The following ISG20 variants were observed in gnomAD, a reference collection of about 807,000 sequenced individuals.
ISG20 encodes interferon stimulated exonuclease gene 20, also known as interferon-stimulated gene 20 kDa protein.
In ISG20, 8 loss-of-function variants were observed where a neutral mutation model predicts 11.1. The observed-to-expected ratio is 0.72, with a 90% confidence interval of 0.42 to 1.30. The LOEUF is 1.30. Ranked by LOEUF, ISG20 falls within the 50% of genes most tolerant of loss-of-function variation. The probability of loss-of-function intolerance (pLI) is 0.01; values close to 1 mark genes in which losing one functional copy is unlikely to be tolerated. For missense variants in ISG20, 243 were observed against 250.2 expected (o/e 0.97, Z 0.19); for synonymous variants, 110 against 101.7 (o/e 1.08, Z -0.49).
upstream of ISG20, among the ~76,000 whole-genome samples, chr15:88,637,589 C>T (rs2058005166): frequency 1.3e-5 from 2 of 151,992 alleles, no homozygotes; most frequent in Non-Finnish European, 2.9e-5. Flanking sequence ...AGAGGCAGCT[C>T]AGGTGAGACA....
At chr15:88,642,052 G>A (rs1428850944) in intron 2 of ISG20, among the ~76,000 whole-genome samples, 1 of 148,296 alleles carries the variant, frequency 6.7e-6, no homozygotes, top group Non-Finnish European at 1.5e-5. Context: ...TCCCGCCTCA[G>A]CCTCCCAAGT....
chr15:88,652,033 A>G (rs7180509), intron 2 of ISG20, 77 bp from the exon 3 acceptor site: 61,877 of 1,596,808 alleles, frequency 0.039, 3,308 homozygotes, highest in African/African-American at 0.25. Flanking sequence ...TCAAGGAGGG[A>G]TTGCTCCCTT....
At chr15:88,640,651 T>C (rs2058064732) in intron 2 of ISG20, among the ~76,000 whole-genome samples, 1 of 152,102 alleles carries the variant, frequency 6.6e-6, no homozygotes, top group African/African-American at 2.4e-5. Context: ...ATAGAGTGCC[T>C]AAATAGGTAC....
intron 2 of ISG20, among the ~76,000 whole-genome samples, chr15:88,642,103 ATT>A (rs2058092178): frequency 1.3e-5 from 2 of 151,442 alleles, no homozygotes; most frequent in Non-Finnish European, 2.9e-5. Context: ...CTAATTTTTT[ATT>A]TTTAGTAGAG....
At chr15:88,641,172 T>C (rs570334290) in intron 2 of ISG20, among the ~76,000 whole-genome samples, 1 of 152,044 alleles carries the variant, frequency 6.6e-6, no homozygotes, top group East Asian at 1.9e-4. Context: ...TTTTTTGCAT[T>C]TTTGGTAGAG....
Position 88,650,303 on chromosome 15 carries a change from G to A in ISG20, c.229-1807G>A, listed in dbSNP as rs936046631. On this transcript the variant is annotated intron_variant, in intron 2 of 3. Coordinates refer to ENST00000306072, the MANE Select transcript of ISG20 (RefSeq NM_002201.6). The surrounding 1 kb of genome is among the most constrained non-coding windows in gnomAD (Gnocchi z 4.0). ...CTGACTGGCCTGTGTGACCAGAGCA[G>A]GGCAGGCTGTCCATGTGGGAGGCGA... 59 of 1,535,564 alleles carry A rather than the reference G, an allele frequency of 3.8e-5. 1 individual carries two copies. The African/African-American group carries it at 7.5e-4, about 20-fold the overall frequency.
At position 88,650,168 on chromosome 15, in the gene ISG20, A is replaced by G. The variant is rs1361883829; in HGVS notation, c.229-1942A>G. On this transcript the variant is annotated intron_variant, in intron 2 of 3. Coordinates refer to ENST00000306072, the MANE Select transcript of ISG20 (RefSeq NM_002201.6). The surrounding 1 kb of genome is among the most constrained non-coding windows in gnomAD (Gnocchi z 4.0). ...ACGAAGGCTGTCCTAGAGCTGTCCAAAGTGGGCCTGGACTAGCCACGAGCC... is the reference window on the plus strand; with the variant it reads ...ACGAAGGCTGTCCTAGAGCTGTCCAGAGTGGGCCTGGACTAGCCACGAGCC... 12 of 1,339,480 alleles carry G rather than the reference A, an allele frequency of 9.0e-6. No individual in the cohort carries two copies. Among genetic ancestry groups the G allele is most frequent in the Admixed American group, 2.0e-5 (1 of 50,742 alleles). The allele number at this position is 1,339,480 out of a possible 1,614,324, so 83.0% of individuals were successfully genotyped here.
intron 2 of ISG20, among the ~76,000 whole-genome samples, chr15:88,645,025 T>C (rs1432267877): frequency 6.6e-6 from 1 of 152,152 alleles, no homozygotes; most frequent in Non-Finnish European, 1.5e-5. Context: ...CTTTTGTTTC[T>C]CAGTTAGAGG....
At chr15:88,654,186 T>C (rs147927446) in intron 3 of ISG20, among the ~76,000 whole-genome samples, 54 of 152,232 alleles carry the variant, frequency 3.5e-4, no homozygotes, top group East Asian at 2.7e-3. Context: ...TCCTTCTCCA[T>C]AGAGCAGAGT....
At chr15:88,654,493 A>G (rs2058341908) in intron 3 of ISG20, among the ~76,000 whole-genome samples, 1 of 152,218 alleles carries the variant, frequency 6.6e-6, no homozygotes, top group African/African-American at 2.4e-5. Flanking sequence ...CTCTCTCGAC[A>G]GAGGGACACC....
chr15:88,647,537 G>C (rs533348332), intron 2 of ISG20: 6 of 152,288 alleles, frequency 3.9e-5, no homozygotes, highest in Admixed American at 3.9e-4. Flanking sequence ...GTCTATAAGA[G>C]AGCGCCACAA....
At chr15:88,649,841 GC>G (rs2058242838) in intron 2 of ISG20, 4 of 240,538 alleles carry the variant, frequency 1.7e-5, no homozygotes, top group African/African-American at 9.0e-5. Context: ...TCGAGCGTGA[GC>G]TCTGTCCAGA....
intron 2 of ISG20, among the ~76,000 whole-genome samples, chr15:88,646,170 C>A (rs891284691): frequency 1.3e-5 from 2 of 152,186 alleles, no homozygotes; most frequent in Non-Finnish European, 2.9e-5. Context: ...GTTGCTCAAC[C>A]TCTCTGTGCT....
intron 2 of ISG20, among the ~76,000 whole-genome samples, chr15:88,640,627 G>C (rs1294941419): frequency 1.3e-5 from 2 of 152,188 alleles, no homozygotes; most frequent in East Asian, 3.8e-4. Context: ...TGCGAGGATT[G>C]AGAAAGGGTC....
At chr15:88,642,216 A>C (rs2058093898) in intron 2 of ISG20, among the ~76,000 whole-genome samples, 1 of 152,074 alleles carries the variant, frequency 6.6e-6, no homozygotes, top group Non-Finnish European at 1.5e-5. Flanking sequence ...GGTGTGAATC[A>C]CTGTGCCCAG....
rs2058052263 is a variant in ISG20 at position 88,639,902 on chromosome 15, C to T, written c.228+308C>T. ...CTTGGGGTCTACATTCCCCATTCTT[C>T]CCTCTACCCCAGGCTGCCACTGGTG... On this transcript the variant is annotated intron_variant, in intron 2 of 3. Coordinates refer to ENST00000306072, the MANE Select transcript of ISG20 (RefSeq NM_002201.6). This position sits in a 1 kb window ranked among gnomAD's most constrained non-coding sequence, Gnocchi z 4.2. 6.6e-6 allele frequency among the ~76,000 whole-genome samples: 1 copy of T among 152,224 alleles called. No homozygotes were observed. Among genetic ancestry groups the T allele is most frequent in the African/African-American group, 2.4e-5 (1 of 41,472 alleles).
At chr15:88,645,369 AG>A in intron 2 of ISG20, among the ~76,000 whole-genome samples, 1 of 152,206 alleles carries the variant, frequency 6.6e-6, no homozygotes, top group East Asian at 1.9e-4. Context: ...TGAAGAGAGA[AG>A]GGCAGAAACC....
At chr15:88,652,378 T>G in intron 3 of ISG20, 68 bp downstream of exon 3, 1 of 490,538 alleles carries the variant, frequency 2.0e-6, no homozygotes, top group Non-Finnish European at 3.1e-6. Flanking sequence ...CTCACCCATC[T>G]CCATTTCCTC....
At chr15:88,642,850 A>G (rs1315902496) in intron 2 of ISG20, among the ~76,000 whole-genome samples, 1 of 152,054 alleles carries the variant, frequency 6.6e-6, no homozygotes. Context: ...GCCTCACCTC[A>G]AGTGATCCAC....
Sources: allele counts gnomAD v4.1 joint callset (sites outside exome capture counted in the v4.1 genomes callset), GRCh38; gene constraint gnomAD v4.1.1; non-coding constraint Gnocchi (gnomAD v3.1); transcripts MANE v1.5; gene names NCBI Gene and HGNC (gene_info 2026-07-23, HGNC 2026-07-21).